The following WWTR1 variants were observed in gnomAD, a reference collection of about 807,000 sequenced individuals.
WWTR1 encodes the protein WW domain-containing transcription regulator protein 1.
In WWTR1, 13 loss-of-function variants were observed where a neutral mutation model predicts 40.1. That is an observed-to-expected ratio of 0.32 (90% CI 0.21 to 0.52). WWTR1 has a LOEUF of 0.52. WWTR1 is among the 20% of genes least tolerant of loss of function. The probability of loss-of-function intolerance (pLI) is 0.97; values close to 1 mark genes in which losing one functional copy is unlikely to be tolerated. For synonymous variants in WWTR1, 230 were observed against 210.1 expected, an observed-to-expected ratio of 1.09 and a Z score of -0.82; for missense variants, 436 against 523.1, an observed-to-expected ratio of 0.83 and a Z score of 1.63.
At chr3:149,705,095 C>G (rs1040270718), upstream of WWTR1, among the ~76,000 whole-genome samples, 1 of 151,486 alleles carries the variant, frequency 6.6e-6, no homozygotes, top group African/African-American at 2.4e-5. Flanking sequence ...AGTTGAGAAA[C>G]TAGGAAAATA....
intron 6 of WWTR1, among the ~76,000 whole-genome samples, chr3:149,522,262 A>C (rs1233663322): frequency 6.6e-6 from 1 of 152,048 alleles, no homozygotes; most frequent in Non-Finnish European, 1.5e-5. Flanking sequence ...TATTTTAAGC[A>C]AAATTGCCGA....
intron 2 of WWTR1, among the ~76,000 whole-genome samples, chr3:149,649,671 CTT>C (rs1363683949): frequency 6.6e-6 from 1 of 152,174 alleles, no homozygotes; most frequent in Non-Finnish European, 1.5e-5. Flanking sequence ...AATCCCAACA[CTT>C]TGGGATGCCA....
chr3:149,635,029 A>T (rs1489608375), intron 2 of WWTR1, among the ~76,000 whole-genome samples: 1 of 152,180 alleles, frequency 6.6e-6, no homozygotes, highest in Non-Finnish European at 1.5e-5. Flanking sequence ...GGAGAAACAC[A>T]TTCTGTGATC....
At chr3:149,527,123 T>C (rs1735353687) in intron 5 of WWTR1, among the ~76,000 whole-genome samples, 1 of 151,604 alleles carries the variant, frequency 6.6e-6, no homozygotes, top group African/African-American at 2.4e-5. Flanking sequence ...CTTATTCACA[T>C]TTCACCCTGA....
intron 2 of WWTR1, among the ~76,000 whole-genome samples, chr3:149,626,476 T>G (rs1740547797): frequency 6.6e-6 from 1 of 151,772 alleles, no homozygotes; most frequent in African/African-American, 2.4e-5. Flanking sequence ...AAAGAGAATG[T>G]TTGCATTCAA....
chr3:149,636,117 G>A (rs1711804294), intron 2 of WWTR1, among the ~76,000 whole-genome samples: 2 of 152,202 alleles, frequency 1.3e-5, no homozygotes, highest in South Asian at 2.1e-4. Context: ...AATTTTCCTG[G>A]ATTAATCTGG....
chr3:149,566,955 A>G (rs1055233362), intron 3 of WWTR1, among the ~76,000 whole-genome samples: 3 of 152,148 alleles, frequency 2.0e-5, no homozygotes, highest in Non-Finnish European at 4.4e-5. Flanking sequence ...TGTATATGTA[A>G]CTTTAAAAAT....
At chr3:149,610,757 C>T (rs775209688) in intron 2 of WWTR1, among the ~76,000 whole-genome samples, 2 of 152,170 alleles carry the variant, frequency 1.3e-5, no homozygotes, top group African/African-American at 2.4e-5. Flanking sequence ...TCACTGTTCA[C>T]TCATTTGTCA....
intron 2 of WWTR1, among the ~76,000 whole-genome samples, chr3:149,637,954 C>T (rs895574298): frequency 7.9e-5 from 12 of 152,142 alleles, no homozygotes; most frequent in Admixed American, 4.6e-4. Context: ...CGGTGGCTCA[C>T]GCCTGTAATC....
intron 5 of WWTR1, among the ~76,000 whole-genome samples, chr3:149,716,880 G>C (rs545300158): frequency 6.6e-6 from 1 of 152,218 alleles, no homozygotes; most frequent in Admixed American, 6.5e-5. Flanking sequence ...ACAGTCACAA[G>C]AATCAAAAAT....
chr3:149,691,785 G>C (rs535855384), intron 1 of WWTR1, among the ~76,000 whole-genome samples: 64 of 152,326 alleles, frequency 4.2e-4, no homozygotes, highest in Non-Finnish European at 8.7e-4. Flanking sequence ...GGGAGGCCGA[G>C]GTGGGTGGAT....
chr3:149,653,509 C>T (rs1278883911), intron 2 of WWTR1, among the ~76,000 whole-genome samples: 1 of 152,184 alleles, frequency 6.6e-6, no homozygotes, highest in Non-Finnish European at 1.5e-5. Context: ...ATGCCCTAGT[C>T]ATTGTTACTC....
chr3:149,652,408 G>A (rs905274437), intron 2 of WWTR1, among the ~76,000 whole-genome samples: 11 of 151,418 alleles, frequency 7.3e-5, no homozygotes, highest in African/African-American at 1.5e-4. Context: ...GATTGCTTGA[G>A]GCCAGGAGTT....
chr3:149,564,297 C>T (rs943801924), intron 3 of WWTR1, among the ~76,000 whole-genome samples: 4 of 152,176 alleles, frequency 2.6e-5, no homozygotes, highest in Non-Finnish European at 5.9e-5. Context: ...ATCTGGACCA[C>T]GCTTGGATAA....
intron 1 of WWTR1, among the ~76,000 whole-genome samples, chr3:149,694,167 G>A (rs1419021309): frequency 3.3e-5 from 5 of 152,242 alleles, no homozygotes; most frequent in African/African-American, 1.2e-4. Flanking sequence ...GCCGAGGCAG[G>A]TGGATCACGA....
chr3:149,518,043 A>G lies in WWTR1; in HGVS notation c.*2762T>C, dbSNP rs1022537028. 1.4e-4 allele frequency: 22 copies of G among 152,250 alleles called. No homozygotes were observed. The highest frequency in any genetic ancestry group is 5.3e-4 in the African/African-American group (22 of 41,564). The allele number at this position is 152,250 out of a possible 1,614,324, so 9.4% of individuals were successfully genotyped here. A position where few individuals can be genotyped will look rare whatever the true frequency, so the allele number is the denominator to read the frequency against. ...CTGCAGGGGTTTTAACACTTACAAT[A>G]ATAGGAAATAGCCATTAAAAAGTTG... On this transcript the variant is annotated 3_prime_UTR_variant, in exon 7 of 7. Coordinates refer to ENST00000360632, the MANE Select transcript of WWTR1 (RefSeq NM_015472.6).
intron 6 of WWTR1, among the ~76,000 whole-genome samples, chr3:149,525,062 A>G (rs1735232667): frequency 1.3e-5 from 2 of 152,178 alleles, no homozygotes; most frequent in South Asian, 4.1e-4. Context: ...GGAGAAAAAG[A>G]AAGGTAATCG....
In WWTR1 at chr3:149,572,911, G is replaced by A; in HGVS notation, c.521C>T (p.Ser174Phe). Residue 174 changes from serine to phenylalanine, a missense_variant, in exon 3 of 7, where the codon TCC becomes TTC. Physicochemically the swap from Ser to Phe is radical, Grantham distance 155. Transcript: ENST00000360632. ...CATGGACCTCTGAGGCACTGGTGTG[G>A]AACTGACGGCAGGGTGGAGGTTCAT... ...NHMNLHPAVS[S>F]TPVPQRSMAV... 1 of 1,613,966 alleles carries A rather than the reference G, an allele frequency of 6.2e-7. No homozygotes were observed. Among genetic ancestry groups the A allele is most frequent in the Non-Finnish European group, 8.5e-7 (1 of 1,179,996 alleles).
chr3:149,540,403 AAGG>A (rs1167875830), intron 4 of WWTR1: 7 of 397,568 alleles, frequency 1.8e-5, no homozygotes, highest in Non-Finnish European at 2.5e-5. Context: ...TGTGGGAAAG[AAGG>A]AGGAGAAGCA....
Sources: gnomAD v4.1 joint callset for allele counts (sites outside exome capture counted in the v4.1 genomes callset) on GRCh38, gnomAD v4.1.1 for gene constraint, MANE v1.5 for transcripts, NCBI Gene and HGNC (gene_info 2026-07-23, HGNC 2026-07-21) for gene names.